The following NDUFS4 variants were observed in gnomAD, a reference collection of about 807,000 sequenced individuals.
The protein encoded by NDUFS4 is NADH dehydrogenase [ubiquinone] iron-sulfur protein 4, mitochondrial.
Under a neutral mutation model 24.3 loss-of-function variants are expected in NDUFS4, and 28 were observed. That is an observed-to-expected ratio of 1.15 (90% confidence interval 0.85 to 1.58). The LOEUF (loss-of-function observed/expected upper bound fraction) is 1.58. NDUFS4 is among the 40% of genes most tolerant of loss of function. The pLI, the probability that NDUFS4 is intolerant of heterozygous loss-of-function variation, is 0.00. For synonymous variants in NDUFS4, 93 were observed against 69.7 expected (o/e 1.34, Z -1.67); for missense variants, 223 against 207.9 (o/e 1.07, Z -0.45).
intron 2 of NDUFS4, among the ~76,000 whole-genome samples, chr5:53,615,542 T>G (rs1255844680): frequency 1.3e-5 from 2 of 152,028 alleles, no homozygotes; most frequent in Non-Finnish European, 2.9e-5. Context: ...TATTCATGTT[T>G]TATAAGATGG....
chr5:53,575,530 CTTTTTTTTTTT>C (rs36051026), intron 1 of NDUFS4, among the ~76,000 whole-genome samples: 12 of 76,154 alleles, frequency 1.6e-4, no homozygotes, highest in Non-Finnish European at 2.4e-4. Flanking sequence ...TGATCAGATT[CTTTTTTTTTTT>C]TTTTTTTTTT....
intron 2 of NDUFS4, among the ~76,000 whole-genome samples, chr5:53,633,573 A>G (rs1751469485): frequency 6.6e-6 from 1 of 152,154 alleles, no homozygotes. Context: ...ATAAAAACAC[A>G]CAGGTTTAAC....
At chr5:53,621,609 T>C (rs1051900219) in intron 2 of NDUFS4, among the ~76,000 whole-genome samples, 2 of 151,938 alleles carry the variant, frequency 1.3e-5, no homozygotes, top group Admixed American at 1.3e-4. Context: ...CTTAAAACAG[T>C]ACTTCCACTT....
chr5:53,624,530 T>G (rs1048796654), intron 2 of NDUFS4, among the ~76,000 whole-genome samples: 33 of 152,336 alleles, frequency 2.2e-4, no homozygotes, highest in African/African-American at 7.7e-4. Context: ...TTTTGCGGTT[T>G]TCAGTGTACA....
chr5:53,616,036 T>C lies in NDUFS4; in HGVS notation c.177+12506T>C, dbSNP rs190561940. 2.2e-3 allele frequency among the ~76,000 whole-genome samples: 338 copies of C among 152,242 alleles called. 1 individual carries two copies. The highest frequency in any genetic ancestry group is 4.8e-3 in the Admixed American group (74 of 15,280). On this transcript the variant is annotated intron_variant, in intron 2 of 4. Coordinates refer to ENST00000296684, the MANE Select transcript of NDUFS4 (RefSeq NM_002495.4). ...TTCTGATTTAGTATGCATTATAATATCTTAAACATTCAAATATGGCAGCTA... is the reference window on the plus strand; with the variant it reads ...TTCTGATTTAGTATGCATTATAATACCTTAAACATTCAAATATGGCAGCTA...
chr5:53,664,543 TTTCTCTAAAC>T (rs1305541507), intron 4 of NDUFS4, among the ~76,000 whole-genome samples: 1 of 152,186 alleles, frequency 6.6e-6, no homozygotes, highest in Non-Finnish European at 1.5e-5. Flanking sequence ...TTTATTCTTT[TTTCTCTAAAC>T]TTCTCTTCTT....
chr5:53,625,862 G>C (rs1469157631), intron 2 of NDUFS4, among the ~76,000 whole-genome samples: 2 of 151,812 alleles, frequency 1.3e-5, no homozygotes, highest in Admixed American at 1.3e-4. Flanking sequence ...TGTAGTTGTT[G>C]TTTCCCTTTT....
chr5:53,657,911 TGA>T (rs1444498281), intron 3 of NDUFS4, among the ~76,000 whole-genome samples: 1 of 137,914 alleles, frequency 7.3e-6, no homozygotes, highest in Non-Finnish European at 1.5e-5. Flanking sequence ...GGCGACAGAG[TGA>T]GAGTCCATCT....
intron 2 of NDUFS4, among the ~76,000 whole-genome samples, chr5:53,640,295 G>A (rs1440392162): frequency 6.6e-6 from 1 of 152,072 alleles, no homozygotes; most frequent in Non-Finnish European, 1.5e-5. Flanking sequence ...AGGAGGAAAG[G>A]GGAGCAGAAG....
intron 4 of NDUFS4, among the ~76,000 whole-genome samples, chr5:53,666,291 GTCTT>G (rs1752513268): frequency 6.6e-6 from 1 of 152,136 alleles, no homozygotes; most frequent in African/African-American, 2.4e-5. Flanking sequence ...TCCCTGGTTA[GTCTT>G]TCTCTAAGTG....
chr5:53,626,238 A>G (rs942077554), intron 2 of NDUFS4, among the ~76,000 whole-genome samples: 19 of 152,148 alleles, frequency 1.2e-4, no homozygotes, highest in Admixed American at 1.0e-3. Context: ...ATGGCTGTAT[A>G]GTATTCCATG....
intron 2 of NDUFS4, among the ~76,000 whole-genome samples, chr5:53,638,388 A>G (rs1751616087): frequency 6.6e-6 from 1 of 152,152 alleles, no homozygotes; most frequent in Non-Finnish European, 1.5e-5. Context: ...GGTTTAAAGC[A>G]TTTGATTAAA....
At chr5:53,570,962 G>C (rs1049154014) in intron 1 of NDUFS4, among the ~76,000 whole-genome samples, 1 of 152,068 alleles carries the variant, frequency 6.6e-6, no homozygotes, top group Non-Finnish European at 1.5e-5. Context: ...GGAATTACAG[G>C]CATGAGCCAC....
intron 4 of NDUFS4, among the ~76,000 whole-genome samples, chr5:53,668,032 G>T (rs942153296): frequency 1.3e-5 from 2 of 152,154 alleles, no homozygotes; most frequent in African/African-American, 4.8e-5. Flanking sequence ...TATGACAAAG[G>T]TTATACGTTT....
intron 4 of NDUFS4, among the ~76,000 whole-genome samples, chr5:53,681,494 C>A (rs1249229214): frequency 6.6e-6 from 1 of 151,872 alleles, no homozygotes; most frequent in Non-Finnish European, 1.5e-5. Context: ...TTTCTTATGC[C>A]CTTTAGTAAA....
chr5:53,657,477 A>G (rs1330894373), intron 3 of NDUFS4, among the ~76,000 whole-genome samples: 4 of 152,046 alleles, frequency 2.6e-5, no homozygotes, highest in African/African-American at 9.7e-5. Flanking sequence ...TTCTTTCTAT[A>G]TCTCATATCT....
At chr5:53,659,526 A>G (rs994497945) in intron 4 of NDUFS4, among the ~76,000 whole-genome samples, 4 of 152,152 alleles carry the variant, frequency 2.6e-5, no homozygotes, top group African/African-American at 9.7e-5. Flanking sequence ...ATACTACTTG[A>G]TAACTATTAG....
intron 1 of NDUFS4, among the ~76,000 whole-genome samples, chr5:53,592,985 AAG>A (rs1377686934): frequency 1.3e-5 from 2 of 152,148 alleles, no homozygotes; most frequent in Non-Finnish European, 2.9e-5. Context: ...CTATATTTAT[AAG>A]AGAATTAGTC....
intron 2 of NDUFS4, among the ~76,000 whole-genome samples, chr5:53,631,867 C>G (rs533963596): frequency 6.6e-6 from 1 of 152,272 alleles, no homozygotes; most frequent in South Asian, 2.1e-4. Context: ...CCTGGACTGC[C>G]GATTGCGAAG....
Sources: allele counts gnomAD v4.1 joint callset (sites outside exome capture counted in the v4.1 genomes callset), GRCh38; gene constraint gnomAD v4.1.1; transcripts MANE v1.5; gene names NCBI Gene and HGNC (gene_info 2026-07-23, HGNC 2026-07-21).